KCNB2: variants seen among roughly 807,000 people sequenced by gnomAD.
KCNB2 encodes delayed rectifier potassium channel protein.
Under a neutral mutation model 61.5 loss-of-function variants are expected in KCNB2, and 15 were observed. The ratio of observed to expected loss-of-function variants is 0.24; its 90% CI spans 0.16 to 0.38. The LOEUF is 0.38. Ranked by LOEUF, KCNB2 falls within the 10% of genes least tolerant of loss-of-function variation. KCNB2 has a pLI of 1.00. For synonymous variants in KCNB2, 457 were observed against 446.0 expected (o/e 1.02, Z -0.31); for missense variants, 828 against 1,125.2 (o/e 0.74, Z 3.78).
At chr8:72,712,650 AATAAAT>A (rs1427410964) in intron 2 of KCNB2, among the ~76,000 whole-genome samples, 5 of 152,232 alleles carry the variant, frequency 3.3e-5, no homozygotes, top group Non-Finnish European at 7.3e-5. Flanking sequence ...TCATTTTGAC[AATAAAT>A]CTTTAAGGTG....
chr8:72,717,422 G>A (rs1406043019), intron 2 of KCNB2, among the ~76,000 whole-genome samples: 3 of 150,922 alleles, frequency 2.0e-5, no homozygotes, highest in Non-Finnish European at 2.9e-5. Flanking sequence ...ATACTACAAG[G>A]CTACAGTAAC....
At chr8:72,863,120 A>G (rs576068720) in intron 2 of KCNB2, among the ~76,000 whole-genome samples, 1 of 152,308 alleles carries the variant, frequency 6.6e-6, no homozygotes, top group African/African-American at 2.4e-5. Context: ...ACTCAAAATA[A>G]TCCAATTCAG....
intron 2 of KCNB2, among the ~76,000 whole-genome samples, chr8:72,574,642 C>T (rs1806767988): frequency 6.6e-6 from 1 of 152,100 alleles, no homozygotes; most frequent in South Asian, 2.1e-4. Context: ...TATTAAAAAA[C>T]ATCAGATTCT....
chr8:72,839,674 G>A (rs1359476923), intron 2 of KCNB2, among the ~76,000 whole-genome samples: 9 of 132,410 alleles, frequency 6.8e-5, no homozygotes, highest in African/African-American at 2.3e-4. Context: ...GTGCAGTGGC[G>A]CGATCTCGGC....
At chr8:72,762,260 A>G (rs1808394808) in intron 2 of KCNB2, among the ~76,000 whole-genome samples, 1 of 152,226 alleles carries the variant, frequency 6.6e-6, no homozygotes, top group Admixed American at 6.5e-5. Context: ...ATTTGAGGCT[A>G]TAGCTTTAAC....
At chr8:72,732,708 C>T (rs1807767576) in intron 2 of KCNB2, among the ~76,000 whole-genome samples, 1 of 152,144 alleles carries the variant, frequency 6.6e-6, no homozygotes, top group Non-Finnish European at 1.5e-5. Context: ...CATCTATTAA[C>T]TGTTTTTCAA....
At chr8:72,805,315 T>A (rs1456103518) in intron 2 of KCNB2, among the ~76,000 whole-genome samples, 3 of 152,194 alleles carry the variant, frequency 2.0e-5, no homozygotes, top group Non-Finnish European at 2.9e-5. Context: ...AGAAGTATAT[T>A]TTCTCCCTTT....
chr8:72,599,180 G>A lies in KCNB2; in HGVS notation c.579+30867G>A, dbSNP rs546653866. Among the ~76,000 whole-genome samples, 22 of 152,254 alleles carry A rather than the reference G, an allele frequency of 1.4e-4. No individual in the cohort carries two copies. The East Asian group carries it at 1.9e-3, about 13-fold the overall frequency. On this transcript the variant is annotated intron_variant, in intron 2 of 2. Transcript: ENST00000523207. ...AAAAGAACAAAGCTGGAGGCATCATGCTACCTGACTTCAAACTATACTACA... is the reference window on the plus strand; with the variant it reads ...AAAAGAACAAAGCTGGAGGCATCATACTACCTGACTTCAAACTATACTACA...
At chr8:72,903,761 T>G (rs1369408579) in intron 2 of KCNB2, among the ~76,000 whole-genome samples, 1 of 152,116 alleles carries the variant, frequency 6.6e-6, no homozygotes, top group Non-Finnish European at 1.5e-5. Context: ...GCCAGATACC[T>G]CCATTTTCAT....
chr8:72,631,494 T>C (rs528280852), intron 2 of KCNB2, among the ~76,000 whole-genome samples: 48 of 152,292 alleles, frequency 3.2e-4, no homozygotes, highest in African/African-American at 1.1e-3. Context: ...AAGTTTCCCC[T>C]TTTTTATAAG....
intron 2 of KCNB2, among the ~76,000 whole-genome samples, chr8:72,790,229 A>G (rs1164034610): frequency 3.9e-5 from 6 of 152,194 alleles, no homozygotes; most frequent in African/African-American, 1.4e-4. Context: ...CCTCAAGTCA[A>G]GGTAGTAAAT....
intron 2 of KCNB2, among the ~76,000 whole-genome samples, chr8:72,621,435 T>C (rs923547771): frequency 1.2e-4 from 19 of 152,260 alleles, no homozygotes; most frequent in Non-Finnish European, 2.5e-4. Flanking sequence ...AATGGTTGTT[T>C]CTCTTGCTTC....
At chr8:72,709,498 G>A (rs59584937) in intron 2 of KCNB2, among the ~76,000 whole-genome samples, 2 of 151,764 alleles carry the variant, frequency 1.3e-5, no homozygotes, top group Non-Finnish European at 2.9e-5. Context: ...AGGCCTAGGG[G>A]AATTTTTGCT....
At chr8:72,705,164 C>G (rs2079853947) in intron 2 of KCNB2, among the ~76,000 whole-genome samples, 1 of 152,188 alleles carries the variant, frequency 6.6e-6, no homozygotes, top group African/African-American at 2.4e-5. Flanking sequence ...TCTTTTCTCA[C>G]TTCCTCACTA....
chr8:72,788,179 C>G lies in KCNB2; in HGVS notation c.580-147756C>G, dbSNP rs1475694959. ...GATATTTTATAGCGAAAATTGTAACCCAGGTGCATTGGTCTCTTTGGCCTG... is the reference window on the plus strand; with the variant it reads ...GATATTTTATAGCGAAAATTGTAACGCAGGTGCATTGGTCTCTTTGGCCTG... On this transcript the variant is annotated intron_variant, in intron 2 of 2. Transcript: ENST00000523207. Among the ~76,000 whole-genome samples, 3 of 152,036 alleles carry G rather than the reference C, an allele frequency of 2.0e-5. No individual in the cohort carries two copies. In the East Asian group the frequency reaches 5.8e-4, roughly 29 times the overall value.
At position 72,667,045 on chromosome 8, in the gene KCNB2, A is replaced by C. The variant is rs189562340; in HGVS notation, c.579+98732A>C. Among the ~76,000 whole-genome samples the C allele has an allele frequency of 5.6e-4, 85 of 151,848 alleles. No homozygotes were observed. In the East Asian group the frequency reaches 0.013, roughly 23 times the overall value. On this transcript the variant is annotated intron_variant, in intron 2 of 2. Transcript: ENST00000523207. Reference sequence around the variant, plus strand: ...TGACAGAGAGGGATGGAGAGAGCAGAGAGAGATAGAGAGAAAGAGAGAAAC... The same window carrying C: ...TGACAGAGAGGGATGGAGAGAGCAGCGAGAGATAGAGAGAAAGAGAGAAAC...
chr8:72,871,169 A>C (rs1270031591), intron 2 of KCNB2, among the ~76,000 whole-genome samples: 3 of 152,216 alleles, frequency 2.0e-5, no homozygotes, highest in Non-Finnish European at 4.4e-5. Flanking sequence ...GCTGAAAGGA[A>C]TGAAATAACA....
intron 2 of KCNB2, among the ~76,000 whole-genome samples, chr8:72,800,050 G>A (rs1020377058): frequency 6.6e-6 from 1 of 152,106 alleles, no homozygotes; most frequent in Non-Finnish European, 1.5e-5. Flanking sequence ...CAATTTAAAT[G>A]TCATCTGTAG....
intron 2 of KCNB2, among the ~76,000 whole-genome samples, chr8:72,805,641 C>A (rs1050230407): frequency 6.6e-6 from 1 of 152,196 alleles, no homozygotes; most frequent in Non-Finnish European, 1.5e-5. Flanking sequence ...CCCTCATTAA[C>A]CAGATTGATT....
Sources: gnomAD v4.1 joint callset for allele counts (sites outside exome capture counted in the v4.1 genomes callset) on GRCh38, gnomAD v4.1.1 for gene constraint, MANE v1.5 for transcripts, NCBI Gene and HGNC (gene_info 2026-07-23, HGNC 2026-07-21) for gene names.